SEMA6D: variants seen among roughly 807,000 people sequenced by gnomAD.
The protein encoded by SEMA6D is semaphorin 6D, also known as semaphorin-6D.
In SEMA6D, 35 loss-of-function variants were observed where a neutral mutation model predicts 106.6. The ratio of observed to expected loss-of-function variants is 0.33; its 90% CI spans 0.25 to 0.44. SEMA6D has a LOEUF of 0.44. SEMA6D is among the 20% of genes least tolerant of loss of function. The probability of loss-of-function intolerance (pLI) is 1.00; values close to 1 mark genes in which losing one functional copy is unlikely to be tolerated. For synonymous variants in SEMA6D, 499 were observed against 487.7 expected (o/e 1.02, Z -0.31); for missense variants, 1,185 against 1,345.9 (o/e 0.88, Z 1.87).
chr15:47,337,932 C>A (rs894323968), intron 1 of SEMA6D, among the ~76,000 whole-genome samples: 3 of 152,104 alleles, frequency 2.0e-5, no homozygotes, highest in African/African-American at 4.8e-5. Context: ...TTCCTTCCCC[C>A]AGAACTCCTA....
At chr15:47,432,727 G>A (rs2041579384) in intron 2 of SEMA6D, among the ~76,000 whole-genome samples, 2 of 152,062 alleles carry the variant, frequency 1.3e-5, no homozygotes, top group South Asian at 4.1e-4. Context: ...GACCACACTT[G>A]AGATGAAAAA....
At chr15:47,318,423 C>A (rs1356996739) in intron 1 of SEMA6D, among the ~76,000 whole-genome samples, 1 of 115,124 alleles carries the variant, frequency 8.7e-6, no homozygotes, top group Non-Finnish European at 1.8e-5. Flanking sequence ...CCCCCTCCCC[C>A]CACCCCACAA....
At chr15:47,664,542 G>T (rs959227871) in intron 4 of SEMA6D, among the ~76,000 whole-genome samples, 1 of 152,232 alleles carries the variant, frequency 6.6e-6, no homozygotes, top group East Asian at 1.9e-4. Flanking sequence ...ACTATAATGT[G>T]TATCACAGAA....
intron 1 of SEMA6D, among the ~76,000 whole-genome samples, chr15:47,279,018 C>T: frequency 7.6e-6 from 1 of 132,312 alleles, no homozygotes; most frequent in Admixed American, 8.1e-5. Context: ...TTACTGTAGC[C>T]TTGTAGTATA....
intron 1 of SEMA6D, among the ~76,000 whole-genome samples, chr15:47,727,490 C>G (rs1167993543): frequency 6.6e-6 from 1 of 152,164 alleles, no homozygotes; most frequent in Non-Finnish European, 1.5e-5. Context: ...GATTTCTATC[C>G]AAACAAGGTG....
chr15:47,521,984 CA>C (rs61136000), intron 3 of SEMA6D, among the ~76,000 whole-genome samples: 3,976 of 81,960 alleles, frequency 0.049, 116 homozygotes, highest in African/African-American at 0.11. Flanking sequence ...GACTCCGTCT[CA>C]AAAAAAAAAA....
In SEMA6D at chr15:47,762,203, G is replaced by C. The variant is rs753033497; in HGVS notation, c.542G>C (p.Gly181Ala). 1.3e-5 allele frequency: 21 copies of C among 1,613,584 alleles called. No individual in the cohort carries two copies. Among genetic ancestry groups the C allele is most frequent in the Non-Finnish European group, 1.7e-5 (20 of 1,179,634 alleles). The change falls in exon 8 of 19, where the codon GGG becomes GCG. Residue 181 changes from glycine to alanine, a missense_variant. Gly to Ala is a moderately conservative substitution (Grantham distance 60, BLOSUM62 0). Around this residue, in one of 3 missense-constraint regions of SEMA6D, gnomAD observed 291 missense variants for 423.8 expected, o/e 0.69. Coordinates refer to ENST00000536845, the MANE Select transcript of SEMA6D (RefSeq NM_001358351.3). Reference protein sequence around the residue: ...RQTNVALFADGKLYSATVADF... With the variant: ...RQTNVALFADAKLYSATVADF... ...AAAATTATACCTTTGGTTTCAGATGGGAAGCTGTATTCTGCCACAGTGGCT... is the reference window on the plus strand; with the variant it reads ...AAAATTATACCTTTGGTTTCAGATGCGAAGCTGTATTCTGCCACAGTGGCT...
chr15:47,614,127 A>C (rs918637163), intron 4 of SEMA6D, among the ~76,000 whole-genome samples: 16 of 152,308 alleles, frequency 1.1e-4, no homozygotes, highest in African/African-American at 3.6e-4. Context: ...ACAGAAATCT[A>C]AATAAAATAA....
intron 4 of SEMA6D, among the ~76,000 whole-genome samples, chr15:47,693,335 T>C (rs1307810217): frequency 1.3e-5 from 2 of 152,154 alleles, no homozygotes; most frequent in Admixed American, 1.3e-4. Context: ...TTTGGACTTC[T>C]GGCCCCTAGA....
chr15:47,525,694 G>A (rs1210372640), intron 3 of SEMA6D, among the ~76,000 whole-genome samples: 1 of 152,062 alleles, frequency 6.6e-6, no homozygotes, highest in African/African-American at 2.4e-5. Flanking sequence ...GAATTGGCTG[G>A]ACCCTGATTC....
intron 1 of SEMA6D, among the ~76,000 whole-genome samples, chr15:47,361,253 C>G (rs1339807775): frequency 6.6e-6 from 1 of 152,200 alleles, no homozygotes; most frequent in African/African-American, 2.4e-5. Context: ...CCTGAACAGT[C>G]ATCTCTGATA....
intron 3 of SEMA6D, among the ~76,000 whole-genome samples, chr15:47,532,548 C>T (rs763646502): frequency 3.3e-5 from 5 of 152,170 alleles, no homozygotes; most frequent in Non-Finnish European, 7.3e-5. Context: ...TGGCTCCAAA[C>T]CTTTATTAGA....
chr15:47,442,776 C>T (rs8041003), intron 2 of SEMA6D, among the ~76,000 whole-genome samples: 37,417 of 151,926 alleles, frequency 0.25, 5,529 homozygotes, highest in Middle Eastern at 0.45. Context: ...TTCAGTGCAC[C>T]ATGACAGAGT....
At chr15:47,243,636 A>G (rs576469645) in intron 1 of SEMA6D, among the ~76,000 whole-genome samples, 1 of 152,284 alleles carries the variant, frequency 6.6e-6, no homozygotes, top group Admixed American at 6.5e-5. Flanking sequence ...AAGTGTTTTT[A>G]CTGCTCTGTG....
intron 4 of SEMA6D, among the ~76,000 whole-genome samples, chr15:47,619,006 A>G (rs1295203805): frequency 6.6e-6 from 1 of 152,222 alleles, no homozygotes; most frequent in Non-Finnish European, 1.5e-5. Flanking sequence ...CCTATGGGCC[A>G]GAAGGGCTGT....
Position 47,634,070 on chromosome 15 carries a change from A to C in SEMA6D, c.-55+33174A>C, listed in dbSNP as rs1288201833. Among the ~76,000 whole-genome samples, 4 of 152,220 alleles carry C rather than the reference A, an allele frequency of 2.6e-5. No individual in the cohort carries two copies. In the East Asian group the frequency reaches 7.7e-4, roughly 29 times the overall value. On this transcript the variant is annotated intron_variant, in intron 4 of 19. Transcript: ENST00000558014. ...AATTACTTGTTGAAGCATTTTCATG[A>C]CTGCTTTAACATCAATGTCAAATAA... is the stretch of plus-strand genomic sequence containing the variant.
chr15:47,482,873 TAAC>T (rs1467095893), intron 3 of SEMA6D, among the ~76,000 whole-genome samples: 2 of 152,168 alleles, frequency 1.3e-5, no homozygotes, highest in Non-Finnish European at 2.9e-5. Context: ...TTAAGGTTGA[TAAC>T]TATTATTTCA....
intron 1 of SEMA6D, among the ~76,000 whole-genome samples, chr15:47,406,812 G>A (rs1242218367): frequency 6.6e-6 from 1 of 151,850 alleles, no homozygotes; most frequent in East Asian, 1.9e-4. Flanking sequence ...GACTTGTGAG[G>A]TGATAGATAA....
chr15:47,367,942 A>G (rs961642159), intron 1 of SEMA6D, among the ~76,000 whole-genome samples: 5 of 147,392 alleles, frequency 3.4e-5, no homozygotes, highest in African/African-American at 1.3e-4. Flanking sequence ...TGGGAGACCA[A>G]GGGCCCCCTG....
Sources: allele counts gnomAD v4.1 joint callset (sites outside exome capture counted in the v4.1 genomes callset), GRCh38; gene constraint gnomAD v4.1.1; regional missense constraint gnomAD v4.1.1; transcripts MANE v1.5; gene names NCBI Gene and HGNC (gene_info 2026-07-23, HGNC 2026-07-21).